SLC23A2: variants seen among roughly 807,000 people sequenced by gnomAD.
SLC23A2 encodes the protein solute carrier family 23 member 2, also known as Na(+)/L-ascorbic acid transporter 2.
A neutral mutation model predicts 73.3 loss-of-function variants in SLC23A2; 36 were observed. The observed-to-expected ratio is 0.49, with a 90% CI of 0.38 to 0.65. The LOEUF is 0.65. Among genes scored for constraint, SLC23A2 ranks in the 30% least tolerant of loss-of-function variants. The pLI is 0.00. For missense variants in SLC23A2, 507 were observed against 841.6 expected (o/e 0.60, Z 4.92); for synonymous variants, 343 against 327.3 (o/e 1.05, Z -0.52).
At chr20:4,867,625 T>TAAAAA (rs11476144) in intron 13 of SLC23A2, 145 bp downstream of exon 13, 14 of 296,168 alleles carry the variant, frequency 4.7e-5, no homozygotes, top group East Asian at 1.3e-4. Flanking sequence ...TATAAACACT[T>TAAAAA]AAAAAAAAAA....
rs551136197 is a variant in SLC23A2 at position 4,925,143 on chromosome 20, A to C, written c.108+7312T>G. 2.6e-5 allele frequency among the ~76,000 whole-genome samples: 4 copies of C among 151,450 alleles called. No individual in the cohort carries two copies. In the East Asian group the frequency reaches 7.8e-4, roughly 30 times the overall value. ...GGCTGCAGTGAGCCATGATGATGAC[A>C]CTGCACTTCAGCCTGAATGATAGAG... On this transcript the variant is annotated intron_variant, in intron 3 of 16. Coordinates refer to ENST00000338244, the MANE Select transcript of SLC23A2 (RefSeq NM_005116.6).
In SLC23A2 at chr20:4,969,665, T is replaced by A. The variant is rs1519867; in HGVS notation, c.-155+1128A>T. 5.5e-3 allele frequency among the ~76,000 whole-genome samples: 816 copies of A among 148,950 alleles called. 3 individuals are homozygous for A. Among genetic ancestry groups the A allele is most frequent in the Non-Finnish European group, 9.3e-3 (623 of 67,320 alleles). ...GCTGGCACAATCAGAGCTCACTAAA[T>A]CCTTGAACTCCTGGGCTCAAGTGAT... is the stretch of plus-strand genomic sequence containing the variant. On this transcript the variant is annotated intron_variant, in intron 2 of 16. Coordinates refer to ENST00000338244, the MANE Select transcript of SLC23A2 (RefSeq NM_005116.6).
intron 3 of SLC23A2, among the ~76,000 whole-genome samples, chr20:4,923,092 GA>G (rs929511740): frequency 8.6e-5 from 13 of 151,734 alleles, no homozygotes; most frequent in African/African-American, 3.1e-4. Flanking sequence ...AAAACCAGAG[GA>G]AAAAAAATTA....
chr20:4,888,091 C>T (rs1406265438), intron 6 of SLC23A2, among the ~76,000 whole-genome samples: 1 of 152,166 alleles, frequency 6.6e-6, no homozygotes, highest in Non-Finnish European at 1.5e-5. Flanking sequence ...GTGGGTCTCC[C>T]TAGGCCGAGA....
chr20:5,007,466 G>A (rs1361584686), intron 1 of SLC23A2, among the ~76,000 whole-genome samples: 1 of 152,192 alleles, frequency 6.6e-6, no homozygotes, highest in Non-Finnish European at 1.5e-5. Context: ...GGGAGGCAGA[G>A]GTTGCAGTGA....
intron 1 of SLC23A2, among the ~76,000 whole-genome samples, chr20:4,997,766 A>T (rs1297381526): frequency 6.6e-6 from 1 of 152,038 alleles, no homozygotes; most frequent in Non-Finnish European, 1.5e-5. Context: ...CTGGGACTAC[A>T]GGCACTACTA....
intron 6 of SLC23A2, among the ~76,000 whole-genome samples, chr20:4,893,070 CTT>C (rs370260947): frequency 7.0e-6 from 1 of 143,518 alleles, no homozygotes; most frequent in Non-Finnish European, 1.5e-5. Context: ...TGCAACTTTA[CTT>C]TTTTTTTTTT....
chr20:4,910,343 C>A (rs1294486017), intron 4 of SLC23A2, among the ~76,000 whole-genome samples: 1 of 150,004 alleles, frequency 6.7e-6, no homozygotes, highest in Admixed American at 6.6e-5. Context: ...GGCCACTCCA[C>A]TTCAGCCTGG....
chr20:4,912,749 T>C, intron 4 of SLC23A2, 131 bp downstream of exon 4: 1 of 675,100 alleles, frequency 1.5e-6, no homozygotes, highest in South Asian at 1.7e-5. Flanking sequence ...CACAGCCCCT[T>C]GGGAGTCAGA....
intron 13 of SLC23A2, among the ~76,000 whole-genome samples, chr20:4,864,519 C>T (rs552856612): frequency 3.9e-5 from 6 of 152,274 alleles, no homozygotes; most frequent in South Asian, 4.1e-4. Flanking sequence ...CAAGCAAAAG[C>T]GACTCATGCT....
At chr20:4,931,865 C>A (rs1932794556) in intron 3 of SLC23A2, among the ~76,000 whole-genome samples, 1 of 152,226 alleles carries the variant, frequency 6.6e-6, no homozygotes, top group Admixed American at 6.5e-5. Flanking sequence ...GAGGCAAGAC[C>A]TCTCTAAAGA....
At chr20:4,858,440 C>T (rs1929822946) in intron 16 of SLC23A2, among the ~76,000 whole-genome samples, 4 of 152,168 alleles carry the variant, frequency 2.6e-5, no homozygotes, top group Admixed American at 6.5e-5. Flanking sequence ...AGAGAGTAGT[C>T]GTTATGGACT....
chr20:4,882,385 C>A (rs552039472), intron 9 of SLC23A2, among the ~76,000 whole-genome samples: 1 of 151,878 alleles, frequency 6.6e-6, no homozygotes, highest in East Asian at 1.9e-4. Flanking sequence ...AAAAAAAGAA[C>A]AATTTTGGGA....
chr20:4,856,933 C>A lies in SLC23A2; in HGVS notation c.*39G>T. 1 of 1,289,488 alleles carries A rather than the reference C, an allele frequency of 7.8e-7. No homozygotes were observed. The highest frequency in any genetic ancestry group is 1.1e-6 in the Non-Finnish European group (1 of 891,654). 79.9% of individuals were successfully genotyped at this position (1,289,488 alleles called of 1,614,324 possible). A position where few individuals can be genotyped will look rare whatever the true frequency, so the allele number is the denominator to read the frequency against. Reference sequence around the variant, plus strand: ...GTTACTCAGCAAGGAACTACAGATACATGCCTCACTGCGGCCAGGCCACAG... The same window carrying A: ...GTTACTCAGCAAGGAACTACAGATAAATGCCTCACTGCGGCCAGGCCACAG... On this transcript the variant is annotated 3_prime_UTR_variant, in exon 17 of 17. Transcript: ENST00000338244. The surrounding 1 kb of genome is among the most constrained non-coding windows in gnomAD (Gnocchi z 4.6).
At chr20:4,971,696 A>C (rs1193651707) in intron 1 of SLC23A2, among the ~76,000 whole-genome samples, 3 of 151,772 alleles carry the variant, frequency 2.0e-5, no homozygotes, top group African/African-American at 7.3e-5. Flanking sequence ...CTGAGGCAGG[A>C]GGATTCCTTG....
intron 1 of SLC23A2, among the ~76,000 whole-genome samples, chr20:4,981,853 C>T (rs2087731682): frequency 6.6e-6 from 1 of 152,062 alleles, no homozygotes; most frequent in Non-Finnish European, 1.5e-5. Context: ...AGGTGCATGC[C>T]ACCATGCCCA....
At chr20:4,999,126 C>T (rs1354136024) in intron 1 of SLC23A2, among the ~76,000 whole-genome samples, 1 of 151,998 alleles carries the variant, frequency 6.6e-6, no homozygotes, top group Non-Finnish European at 1.5e-5. Context: ...CTTTTAATTA[C>T]CTTAACCAAA....
At chr20:4,942,374 C>CAAAAAAAAAAAA (rs1216270773) in intron 2 of SLC23A2, among the ~76,000 whole-genome samples, 54 of 47,386 alleles carry the variant, frequency 1.1e-3, no homozygotes, top group African/African-American at 2.7e-3. Context: ...GCTACAGTCT[C>CAAAAAAAAAAAA]AAAAAAAAAA....
intron 2 of SLC23A2, among the ~76,000 whole-genome samples, chr20:4,957,188 C>G (rs1906044165): frequency 6.6e-6 from 1 of 152,086 alleles, no homozygotes; most frequent in Non-Finnish European, 1.5e-5. Flanking sequence ...AGCATAGTGG[C>G]TTATGCTTAT....
Sources: gnomAD v4.1 joint callset for allele counts (sites outside exome capture counted in the v4.1 genomes callset) on GRCh38, gnomAD v4.1.1 for gene constraint, Gnocchi (gnomAD v3.1) non-coding constraint, MANE v1.5 for transcripts, NCBI Gene and HGNC (gene_info 2026-07-23, HGNC 2026-07-21) for gene names.